The following DLG1 variants were observed in gnomAD, a reference collection of about 807,000 sequenced individuals.
The protein encoded by DLG1 is disks large homolog 1.
Under a neutral mutation model 123.4 loss-of-function variants are expected in DLG1, and 42 were observed. The ratio of observed to expected loss-of-function variants is 0.34; its 90% CI spans 0.27 to 0.44. The LOEUF (loss-of-function observed/expected upper bound fraction) is 0.44, where lower values mean the gene tolerates loss of function less well. Among genes scored for constraint, DLG1 ranks in the 20% least tolerant of loss-of-function variants. The pLI is 1.00. For missense variants in DLG1, 942 were observed against 1,082.6 expected, an observed-to-expected ratio of 0.87 and a Z score of 1.82; for synonymous variants, 317 against 356.2, an observed-to-expected ratio of 0.89 and a Z score of 1.24.
At chr3:197,159,365 ATCTT>A (rs1312904977) in intron 5 of DLG1, among the ~76,000 whole-genome samples, 2 of 152,186 alleles carry the variant, frequency 1.3e-5, no homozygotes, top group African/African-American at 4.8e-5. Flanking sequence ...TCATCTATGT[ATCTT>A]TCTAATTTGC....
At chr3:197,261,684 G>A (rs144018347) in intron 4 of DLG1, among the ~76,000 whole-genome samples, 2 of 152,234 alleles carry the variant, frequency 1.3e-5, no homozygotes, top group East Asian at 1.9e-4. Flanking sequence ...ACTGTTAAGC[G>A]TTATGAAAAG....
intron 5 of DLG1, among the ~76,000 whole-genome samples, chr3:197,160,082 G>A (rs1798190986): frequency 6.6e-6 from 1 of 152,202 alleles, no homozygotes; most frequent in Admixed American, 6.5e-5. Context: ...GAAGTGTGCA[G>A]TTACACAGGT....
intron 16 of DLG1, 176 bp downstream of exon 16, chr3:197,085,404 T>G (rs1753722880): frequency 3.2e-6 from 2 of 625,264 alleles, no homozygotes; most frequent in South Asian, 3.9e-5. Flanking sequence ...TGACTTCGAC[T>G]ACTTTAGATT....
chr3:197,102,524 A>G (rs1240361341), intron 14 of DLG1, among the ~76,000 whole-genome samples: 1 of 152,208 alleles, frequency 6.6e-6, no homozygotes, highest in Non-Finnish European at 1.5e-5. Context: ...ACCTGTTACT[A>G]AGCTTTGATG....
chr3:197,129,912 T>A (rs1440125181), intron 11 of DLG1, among the ~76,000 whole-genome samples: 1 of 152,006 alleles, frequency 6.6e-6, no homozygotes, highest in Non-Finnish European at 1.5e-5. Flanking sequence ...AATAGTAACA[T>A]CAAAGACTAG....
chr3:197,082,811 A>G (rs1319218166), intron 16 of DLG1, among the ~76,000 whole-genome samples: 1 of 152,226 alleles, frequency 6.6e-6, no homozygotes, highest in Non-Finnish European at 1.5e-5. Context: ...GTCTCAAGAT[A>G]TCTTTCTTAC....
At chr3:197,145,055 TCACACACA>T (rs34377415) in intron 6 of DLG1, among the ~76,000 whole-genome samples, 6 of 148,632 alleles carry the variant, frequency 4.0e-5, no homozygotes, top group Admixed American at 6.7e-5. Context: ...TCTCTCTCTC[TCACACACA>T]CACACACACA....
At chr3:197,060,868 C>T (rs900228281) in intron 22 of DLG1, among the ~76,000 whole-genome samples, 3 of 152,212 alleles carry the variant, frequency 2.0e-5, no homozygotes, top group African/African-American at 7.2e-5. Context: ...CTCTGTCACC[C>T]AGACTTGAGT....
At chr3:197,085,904 A>G (rs1353322488) in intron 15 of DLG1, 148 bp from the exon 16 acceptor site, 5 of 602,928 alleles carry the variant, frequency 8.3e-6, no homozygotes, top group Admixed American at 3.5e-5. Flanking sequence ...TGCATACAAG[A>G]TAAGACAAAA....
chr3:197,286,819 C>T (rs1372686634), intron 3 of DLG1, among the ~76,000 whole-genome samples: 1 of 151,932 alleles, frequency 6.6e-6, no homozygotes, highest in Non-Finnish European at 1.5e-5. Flanking sequence ...CTGTTATCTC[C>T]CTGGCTCCAG....
At chr3:197,232,498 A>G (rs900597671) in intron 4 of DLG1, among the ~76,000 whole-genome samples, 2 of 152,174 alleles carry the variant, frequency 1.3e-5, no homozygotes, top group African/African-American at 4.8e-5. Context: ...TTAAATATTT[A>G]AAACCATTTA....
At chr3:197,189,817 T>C (rs182668158) in intron 5 of DLG1, among the ~76,000 whole-genome samples, 1 of 152,268 alleles carries the variant, frequency 6.6e-6, no homozygotes, top group African/African-American at 2.4e-5. Context: ...GGTTTACATA[T>C]GACTACACAA....
At chr3:197,221,300 C>T (rs1361482653) in intron 4 of DLG1, among the ~76,000 whole-genome samples, 2 of 152,028 alleles carry the variant, frequency 1.3e-5, no homozygotes, top group African/African-American at 4.8e-5. Context: ...GGTGGATCAC[C>T]TGAGGTCAGG....
At position 197,256,765 on chromosome 3, in the gene DLG1, A is replaced by T. The variant is rs576988617; in HGVS notation, c.318+25914T>A. Among the ~76,000 whole-genome samples the T allele has an allele frequency of 2.0e-5, 3 of 152,338 alleles. No individual in the cohort carries two copies. In the East Asian group the frequency reaches 5.8e-4, roughly 29 times the overall value. The stretch of plus-strand genomic sequence containing the variant: ...CACAACCATAAGGGATCAATCTAGG[A>T]AGTACTAAAACCTCACCATATAAAA... On this transcript the variant is annotated intron_variant, in intron 4 of 24. Transcript: ENST00000667157.
At chr3:197,147,479 T>C (rs1791505490) in intron 6 of DLG1, among the ~76,000 whole-genome samples, 1 of 146,206 alleles carries the variant, frequency 6.8e-6, no homozygotes, top group African/African-American at 2.6e-5. Flanking sequence ...CACCATGGAA[T>C]ACTACTCAGC....
At chr3:197,136,470 A>G in intron 10 of DLG1, 72 bp downstream of exon 10, 2 of 1,308,342 alleles carry the variant, frequency 1.5e-6, no homozygotes, top group Non-Finnish European at 2.1e-6. Context: ...GGTATGGAGA[A>G]ATTCCAGTAT....
intron 5 of DLG1, chr3:197,183,668 C>T (rs1713941685): frequency 1.3e-6 from 2 of 1,550,458 alleles, no homozygotes; most frequent in South Asian, 1.2e-5. Context: ...AAGGTTCTGG[C>T]TCAGCTTGCA....
chr3:197,247,098 G>C (rs1752098215), intron 4 of DLG1, among the ~76,000 whole-genome samples: 1 of 152,218 alleles, frequency 6.6e-6, no homozygotes, highest in Non-Finnish European at 1.5e-5. Context: ...TTCTGAGCTA[G>C]TTAAGGGACC....
At chr3:197,294,682 A>G (rs1776546734) in intron 3 of DLG1, among the ~76,000 whole-genome samples, 1 of 151,086 alleles carries the variant, frequency 6.6e-6, no homozygotes, top group Non-Finnish European at 1.5e-5. Flanking sequence ...AAAAAAAGAG[A>G]AGAAAGCTAA....
Sources: allele counts gnomAD v4.1 joint callset (sites outside exome capture counted in the v4.1 genomes callset), GRCh38; gene constraint gnomAD v4.1.1; transcripts MANE v1.5; gene names NCBI Gene and HGNC (gene_info 2026-07-23, HGNC 2026-07-21).